The following PPM1H variants were observed in gnomAD, a reference collection of about 807,000 sequenced individuals.
The protein encoded by PPM1H is protein phosphatase, Mg2+/Mn2+ dependent 1H.
In PPM1H, 27 loss-of-function variants were observed where a neutral mutation model predicts 54.9. The ratio of observed to expected loss-of-function variants is 0.49; its 90% CI spans 0.36 to 0.68. The LOEUF is 0.68. Among genes scored for constraint, PPM1H ranks in the 30% least tolerant of loss-of-function variants. The probability of loss-of-function intolerance (pLI) is 0.00; values close to 1 mark genes in which losing one functional copy is unlikely to be tolerated. For missense variants in PPM1H, 596 were observed against 667.8 expected (o/e 0.89, Z 1.19); for synonymous variants, 305 against 270.8 (o/e 1.13, Z -1.24).
intron 4 of PPM1H, among the ~76,000 whole-genome samples, chr12:62,749,174 A>C (rs80138146): frequency 0.021 from 3,135 of 152,336 alleles, 96 homozygotes; most frequent in African/African-American, 0.07. Context: ...CACTGTTGTC[A>C]TCAGTCCCCT....
In PPM1H at chr12:62,788,267, G is replaced by A. The variant is rs2120703214; in HGVS notation, c.828C>T (p.Cys276=). 1.3e-6 allele frequency: 2 copies of A among 1,599,726 alleles called. No individual in the cohort carries two copies. Among genetic ancestry groups the A allele is most frequent in the African/African-American group, 1.3e-5 (1 of 74,770 alleles). The change falls in exon 4 of 10, where the codon TGC becomes TGT. Residue 276 remains cysteine, a synonymous_variant. Coordinates refer to ENST00000228705, the MANE Select transcript of PPM1H (RefSeq NM_020700.2). ...TTGCAACATACAGCTTCCCCAAAAG[G>A]CAAATCACAATGAGGGCCGTGCAGC... The part of the protein sequence containing the change: ...SGGCTALIVI[C]LLGKLYVANA...
At chr12:62,809,468 T>C (rs1221413557) in intron 2 of PPM1H, among the ~76,000 whole-genome samples, 8 of 152,222 alleles carry the variant, frequency 5.3e-5, no homozygotes. Flanking sequence ...AAGTCAGATC[T>C]GTGAACATGA....
rs527511292 is a variant in PPM1H, at chr12:62,824,323, G to C, written c.411+7791C>G. On this transcript the variant is annotated intron_variant, in intron 2 of 9. Coordinates refer to ENST00000228705, the MANE Select transcript of PPM1H (RefSeq NM_020700.2). ...TCAATGTTGTGAAAATGGCCATACT[G>C]CCCAAAGTAATTTATAGATTCAATG... Among the ~76,000 whole-genome samples the C allele has an allele frequency of 1.9e-3, 290 of 152,254 alleles. 3 individuals carry two copies. Among genetic ancestry groups the C allele is most frequent in the African/African-American group, 6.9e-3 (286 of 41,552 alleles).
intron 1 of PPM1H, among the ~76,000 whole-genome samples, chr12:62,875,181 C>G (rs549066901): frequency 6.6e-6 from 1 of 152,340 alleles, no homozygotes; most frequent in East Asian, 1.9e-4. Context: ...GGTCACACAA[C>G]CAGTGAGTGG....
At chr12:62,700,985 TA>T (rs1158427428) in intron 6 of PPM1H, among the ~76,000 whole-genome samples, 1 of 152,242 alleles carries the variant, frequency 6.6e-6, no homozygotes, top group Non-Finnish European at 1.5e-5. Flanking sequence ...TTACTATGGT[TA>T]TTTTTTCTAC....
chr12:62,788,458 T>C lies in PPM1H; in HGVS notation c.757-120A>G, dbSNP rs75872454. The C allele has an allele frequency of 2.4e-3, 1,493 of 631,572 alleles. 13 individuals carry two copies. Among genetic ancestry groups the C allele is most frequent in the African/African-American group, 0.023 (1,287 of 54,938 alleles). The allele number at this position is 631,572 out of a possible 1,614,324, so 39.1% of individuals were successfully genotyped here. On this transcript the variant is annotated intron_variant, in intron 3 of 9. Coordinates refer to ENST00000228705, the MANE Select transcript of PPM1H (RefSeq NM_020700.2). ...GTGCTTCAAGAAGGGACTAGAAAAATCTTTAGTGCTTGCTTTCCTACCACC... is the reference window on the plus strand; with the variant it reads ...GTGCTTCAAGAAGGGACTAGAAAAACCTTTAGTGCTTGCTTTCCTACCACC...
intron 1 of PPM1H, among the ~76,000 whole-genome samples, chr12:62,922,928 G>C (rs1215653262): frequency 6.6e-6 from 1 of 152,218 alleles, no homozygotes; most frequent in Non-Finnish European, 1.5e-5. Flanking sequence ...GTTTTAGGCA[G>C]ATTTCCTAAT....
chr12:62,805,317 T>C (rs2076799955), intron 2 of PPM1H, among the ~76,000 whole-genome samples: 1 of 152,072 alleles, frequency 6.6e-6, no homozygotes, highest in Non-Finnish European at 1.5e-5. Context: ...CTCAAAAAAT[T>C]AAAAATAGAA....
intron 6 of PPM1H, 76 bp from the exon 7 acceptor site, chr12:62,694,075 G>C (rs1337320047): frequency 7.5e-7 from 1 of 1,336,890 alleles, no homozygotes; most frequent in African/African-American, 1.5e-5. Context: ...CGACTGCTAG[G>C]GATTTCATTT....
At chr12:62,741,342 T>C (rs370413602) in intron 4 of PPM1H, among the ~76,000 whole-genome samples, 3 of 152,328 alleles carry the variant, frequency 2.0e-5, no homozygotes, top group East Asian at 3.9e-4. Flanking sequence ...AGCTCTCCAC[T>C]GCTTCCTCAG....
At chr12:62,673,687 C>T (rs2075969132) in intron 8 of PPM1H, among the ~76,000 whole-genome samples, 1 of 132,896 alleles carries the variant, frequency 7.5e-6, no homozygotes, top group South Asian at 2.6e-4. Context: ...CTGCTTCTAA[C>T]AAGCTTTGTG....
At chr12:62,740,216 T>G (rs1301852049) in intron 4 of PPM1H, among the ~76,000 whole-genome samples, 1 of 152,196 alleles carries the variant, frequency 6.6e-6, no homozygotes, top group African/African-American at 2.4e-5. Flanking sequence ...CTCCCATGGA[T>G]CCCTCAAACA....
intron 2 of PPM1H, among the ~76,000 whole-genome samples, chr12:62,809,039 T>C (rs1324908150): frequency 1.3e-5 from 2 of 152,210 alleles, no homozygotes; most frequent in East Asian, 3.9e-4. Flanking sequence ...GGTGGAATGA[T>C]CAAATAGGTT....
intron 8 of PPM1H, among the ~76,000 whole-genome samples, chr12:62,676,241 A>T (rs150685697): frequency 1.2e-3 from 181 of 152,268 alleles, no homozygotes; most frequent in Admixed American, 3.5e-3. Flanking sequence ...CGCATCACAA[A>T]CCCATTTTAG....
At chr12:62,801,671 T>C (rs542058820) in intron 3 of PPM1H, 145 bp downstream of exon 3, 128 of 849,092 alleles carry the variant, frequency 1.5e-4, no homozygotes, top group Middle Eastern at 5.8e-4. Context: ...CTATTGGGAA[T>C]GGAAGCCCCA....
intron 9 of PPM1H, among the ~76,000 whole-genome samples, chr12:62,662,388 C>T (rs1324855603): frequency 6.6e-6 from 1 of 152,142 alleles, no homozygotes; most frequent in Non-Finnish European, 1.5e-5. Flanking sequence ...AATTATAGTG[C>T]CATCAATTCC....
At chr12:62,883,253 T>C (rs1870460610) in intron 1 of PPM1H, among the ~76,000 whole-genome samples, 1 of 152,112 alleles carries the variant, frequency 6.6e-6, no homozygotes, top group African/African-American at 2.4e-5. Context: ...GAACACAGGA[T>C]GCTGACAGGC....
chr12:62,803,845 CA>C (rs1429205171), intron 2 of PPM1H, among the ~76,000 whole-genome samples: 2 of 152,084 alleles, frequency 1.3e-5, no homozygotes, highest in Admixed American at 1.3e-4. Context: ...GAAACTCCTA[CA>C]ATTCTATTGC....
intron 1 of PPM1H, among the ~76,000 whole-genome samples, chr12:62,845,427 C>G (rs1868926634): frequency 6.6e-6 from 1 of 152,198 alleles, no homozygotes; most frequent in Non-Finnish European, 1.5e-5. Flanking sequence ...TCTTTCAGAG[C>G]TAAAATTTAC....
Sources: gnomAD v4.1 joint callset for allele counts (sites outside exome capture counted in the v4.1 genomes callset) on GRCh38, gnomAD v4.1.1 for gene constraint, MANE v1.5 for transcripts, NCBI Gene and HGNC (gene_info 2026-07-23, HGNC 2026-07-21) for gene names.